CYSTM1: variants seen among roughly 807,000 people sequenced by gnomAD.
The protein encoded by CYSTM1 is cysteine-rich transmembrane module-containing protein 1.
A neutral mutation model predicts 13.1 loss-of-function variants in CYSTM1; 4 were observed. That is an observed-to-expected ratio of 0.31 (90% CI 0.15 to 0.70). The LOEUF (loss-of-function observed/expected upper bound fraction) is 0.70. CYSTM1 is among the 30% of genes least tolerant of loss of function. CYSTM1 has a pLI of 0.72. For synonymous variants in CYSTM1, 36 were observed against 42.7 expected (o/e 0.84, Z 0.62); for missense variants, 96 against 121.6 (o/e 0.79, Z 0.99).
chr5:140,182,142 A>T (rs1763967670), intron 1 of CYSTM1, among the ~76,000 whole-genome samples: 1 of 152,218 alleles, frequency 6.6e-6, no homozygotes, highest in Admixed American at 6.5e-5. Context: ...CTACTACATC[A>T]CCTGTCACAA....
intron 2 of CYSTM1, among the ~76,000 whole-genome samples, chr5:140,205,702 G>A (rs1764290510): frequency 6.6e-6 from 1 of 152,176 alleles, no homozygotes; most frequent in African/African-American, 2.4e-5. Context: ...ACCTTGATGA[G>A]CAGTGAGGAA....
chr5:140,242,659 A>G (rs1010509091), intron 2 of CYSTM1, among the ~76,000 whole-genome samples: 2 of 152,206 alleles, frequency 1.3e-5, no homozygotes, highest in African/African-American at 2.4e-5. Context: ...GCACTTGGCC[A>G]TGACAGGGCT....
At chr5:140,202,784 G>T (rs913239794) in intron 2 of CYSTM1, 4 of 152,162 alleles carry the variant, frequency 2.6e-5, no homozygotes, top group African/African-American at 9.7e-5. Context: ...GCTGGGAGGG[G>T]TCAGGAGGCA....
Position 140,243,344 on chromosome 5 carries a change from C to G in CYSTM1, c.227C>G (p.Pro76Arg). 1 of 1,614,176 alleles carries G rather than the reference C, an allele frequency of 6.2e-7. No individual in the cohort carries two copies. Among genetic ancestry groups the G allele is most frequent in the Non-Finnish European group, 8.5e-7 (1 of 1,180,030 alleles). The change falls in exon 3 of 3, where the codon CCA becomes CGA. Residue 76 changes from proline to arginine, a missense_variant. Pro to Arg is a moderately radical substitution (Grantham distance 103). Coordinates refer to ENST00000261811, the MANE Select transcript of CYSTM1 (RefSeq NM_032412.4). ...VEDQRRDELGPSTCLTACWTA... is the reference protein window; with the variant it reads ...VEDQRRDELGRSTCLTACWTA... ...GACCAAAGAAGAGATGAGCTAGGAC[C>G]ATCCACCTGCCTCACAGCCTGCTGG...
chr5:140,190,987 G>A (rs1764087514), intron 1 of CYSTM1, among the ~76,000 whole-genome samples: 1 of 152,184 alleles, frequency 6.6e-6, no homozygotes, highest in Non-Finnish European at 1.5e-5. Context: ...AAGCTCTTTT[G>A]AGTTTTGGTT....
chr5:140,197,506 A>G (rs532673262), intron 2 of CYSTM1, among the ~76,000 whole-genome samples: 1 of 152,176 alleles, frequency 6.6e-6, no homozygotes. Context: ...GTAGTGCCAA[A>G]TGGTCAAATT....
Position 140,243,371 on chromosome 5 carries a change from C to T in CYSTM1, c.254C>T (p.Thr85Met), listed in dbSNP as rs761453128. ...GPSTCLTACW[T>M]ALCCCCLWDM... ...TCCACCTGCCTCACAGCCTGCTGGA[C>T]GGCTCTCTGTTGCTGCTGTCTCTGG... Residue 85 changes from threonine to methionine, a missense_variant, in exon 3 of 3, where the codon ACG becomes ATG. By Grantham distance (81) the Thr-to-Met change is moderately conservative. Transcript: ENST00000261811. 9.9e-6 allele frequency: 16 copies of T among 1,614,002 alleles called. No individual in the cohort carries two copies. The highest frequency in any genetic ancestry group is 2.2e-5 in the South Asian group (2 of 91,092).
intron 2 of CYSTM1, among the ~76,000 whole-genome samples, chr5:140,208,457 G>A (rs1159984362): frequency 2.0e-5 from 3 of 152,146 alleles, no homozygotes; most frequent in Non-Finnish European, 4.4e-5. Context: ...AGGGGGAGGT[G>A]GGAATAGTTA....
At chr5:140,185,079 T>C (rs1177802512) in intron 1 of CYSTM1, among the ~76,000 whole-genome samples, 1 of 152,232 alleles carries the variant, frequency 6.6e-6, no homozygotes, top group African/African-American at 2.4e-5. Flanking sequence ...ACTAAATAGT[T>C]TGTAGATTTT....
intron 1 of CYSTM1, among the ~76,000 whole-genome samples, chr5:140,185,975 C>T (rs953229548): frequency 6.6e-6 from 1 of 152,130 alleles, no homozygotes; most frequent in Admixed American, 6.5e-5. Flanking sequence ...TTTGGACCTC[C>T]CAAAGTAAGT....
intron 1 of CYSTM1, among the ~76,000 whole-genome samples, chr5:140,177,663 A>G (rs1331023130): frequency 6.6e-6 from 1 of 152,194 alleles, no homozygotes; most frequent in Non-Finnish European, 1.5e-5. Context: ...TCTCTGTAAA[A>G]GAAGCCCCGA....
At chr5:140,208,361 C>T (rs1764322825) in intron 2 of CYSTM1, among the ~76,000 whole-genome samples, 1 of 152,184 alleles carries the variant, frequency 6.6e-6, no homozygotes, top group South Asian at 2.1e-4. Flanking sequence ...TGTGTGTTCT[C>T]ACTTATTTGT....
intron 2 of CYSTM1, chr5:140,228,709 G>A (rs1159033494): frequency 1.8e-5 from 7 of 398,870 alleles, no homozygotes; most frequent in African/African-American, 6.2e-5. Context: ...TCCTCTGCCC[G>A]CCCTGCACCC....
intron 2 of CYSTM1, among the ~76,000 whole-genome samples, chr5:140,235,686 T>C (rs1764673218): frequency 3.9e-5 from 6 of 152,202 alleles, no homozygotes; most frequent in Admixed American, 3.9e-4. Flanking sequence ...ATTACAGGCG[T>C]GAGCCACCGC....
At position 140,210,659 on chromosome 5, in the gene CYSTM1, G is replaced by A. The variant is rs111667296; in HGVS notation, c.187+16007G>A. Among the ~76,000 whole-genome samples the A allele has an allele frequency of 8.8e-3, 1,335 of 152,090 alleles. 17 individuals are homozygous for A. The highest frequency in any genetic ancestry group is 0.03 in the African/African-American group (1,261 of 41,468). On this transcript the variant is annotated intron_variant, in intron 2 of 2. Transcript: ENST00000261811. The stretch of plus-strand genomic sequence containing the variant: ...CCTGAGTAGCCAGGACCACAGGTAT[G>A]CACCACGATGCCCAGCTAATTTTTG...
At chr5:140,224,934 T>C (rs6580453) in intron 2 of CYSTM1, among the ~76,000 whole-genome samples, 116,944 of 152,168 alleles carry the variant, frequency 0.77, 46,051 homozygotes, top group African/African-American at 0.94. Context: ...GTAATCCCAG[T>C]ACTTTGGGAA....
intron 2 of CYSTM1, among the ~76,000 whole-genome samples, chr5:140,226,613 A>ATAT (rs61099181): frequency 0.054 from 4,566 of 84,740 alleles, 236 homozygotes; most frequent in East Asian, 0.092. Flanking sequence ...TATATATATA[A>ATAT]AAATTAGCCA....
At position 140,230,495 on chromosome 5, in the gene CYSTM1, G is replaced by T. The variant is rs1465011021; in HGVS notation, c.188-12810G>T. On this transcript the variant is annotated intron_variant, in intron 2 of 2. Coordinates refer to ENST00000261811, the MANE Select transcript of CYSTM1 (RefSeq NM_032412.4). The surrounding 1 kb of genome is among the most constrained non-coding windows in gnomAD (Gnocchi z 4.1). ...TGGAAGGAAAGAAGAGGTTTGGAAAGTCCTGGGGCATGTACAATAATCTCT... is the reference window on the plus strand; with the variant it reads ...TGGAAGGAAAGAAGAGGTTTGGAAATTCCTGGGGCATGTACAATAATCTCT... Among the ~76,000 whole-genome samples the T allele has an allele frequency of 2.6e-5, 4 of 152,204 alleles. No individual in the cohort carries two copies. The highest frequency in any genetic ancestry group is 9.7e-5 in the African/African-American group (4 of 41,444).
rs1464498422 is a variant in CYSTM1, at chr5:140,239,942, G to A, written c.188-3363G>A. Among the ~76,000 whole-genome samples, 1 of 152,180 alleles carries A rather than the reference G, an allele frequency of 6.6e-6. No homozygotes were observed. The highest frequency in any genetic ancestry group is 1.5e-5 in the Non-Finnish European group (1 of 68,032). On this transcript the variant is annotated intron_variant, in intron 2 of 2. Coordinates refer to ENST00000261811, the MANE Select transcript of CYSTM1 (RefSeq NM_032412.4). The surrounding 1 kb of genome is among the most constrained non-coding windows in gnomAD (Gnocchi z 5.4). Reference sequence around the variant, plus strand: ...TCTGAGACACTAGATAGCGAATGAGGGATGAGCCTTTTGGCGCTGATGCTT... The same window carrying A: ...TCTGAGACACTAGATAGCGAATGAGAGATGAGCCTTTTGGCGCTGATGCTT...
Sources: gnomAD v4.1 joint callset for allele counts (sites outside exome capture counted in the v4.1 genomes callset) on GRCh38, gnomAD v4.1.1 for gene constraint, Gnocchi (gnomAD v3.1) non-coding constraint, MANE v1.5 for transcripts, NCBI Gene and HGNC (gene_info 2026-07-23, HGNC 2026-07-21) for gene names.